SMG1: variants seen among roughly 807,000 people sequenced by gnomAD.
SMG1 encodes the protein serine/threonine-protein kinase SMG1.
In SMG1, 22 loss-of-function variants were observed where a neutral mutation model predicts 419.9. That is an observed-to-expected ratio of 0.05 (90% CI 0.04 to 0.07). SMG1 has a LOEUF of 0.07. SMG1 is among the 10% of genes least tolerant of loss of function. The pLI is 1.00. For missense variants in SMG1, 3,185 were observed against 4,342.0 expected, an observed-to-expected ratio of 0.73 and a Z score of 7.49; for synonymous variants, 1,538 against 1,553.5, an observed-to-expected ratio of 0.99 and a Z score of 0.23.
intron 1 of SMG1, among the ~76,000 whole-genome samples, chr16:18,898,281 T>G (rs1461716518): frequency 1.3e-5 from 2 of 152,164 alleles, no homozygotes; most frequent in Non-Finnish European, 2.9e-5. Flanking sequence ...ATCTGAAACT[T>G]CATGAAATTC....
At chr16:18,820,831 A>G (rs1412205987) in intron 55 of SMG1, among the ~76,000 whole-genome samples, 1 of 152,224 alleles carries the variant, frequency 6.6e-6, no homozygotes, top group Non-Finnish European at 1.5e-5. Context: ...ACTGCTATTA[A>G]TTTACAAAAA....
chr16:18,883,874 G>A (rs566193468), intron 9 of SMG1, among the ~76,000 whole-genome samples, 196 bp downstream of exon 9: 14 of 149,464 alleles, frequency 9.4e-5, no homozygotes, highest in Admixed American at 2.7e-4. Flanking sequence ...AGCCGAGACC[G>A]TGCCATTGCA....
rs75614182 is a variant in SMG1, at chr16:18,870,107, T to C, written c.2493-113A>G. 16 of 644,048 alleles carry C rather than the reference T, an allele frequency of 2.5e-5. No individual in the cohort carries two copies. The Middle Eastern group carries it at 1.3e-3, about 52-fold the overall frequency. The allele number at this position is 644,048 out of a possible 1,614,324, so 39.9% of individuals were successfully genotyped here. A position where few individuals can be genotyped will look rare whatever the true frequency, so the allele number is the denominator to read the frequency against. On this transcript the variant is annotated intron_variant, in intron 18 of 62. Coordinates refer to ENST00000446231, the MANE Select transcript of SMG1 (RefSeq NM_015092.5). ...CACTGGAGGTAAAAATATAGTAAAA[T>C]TGAGACTTTCAAATGGATACAGAGA... is the stretch of plus-strand genomic sequence containing the variant.
In SMG1 at chr16:18,864,060, C is replaced by G; in HGVS notation, c.3435G>C (p.Ser1145=). The change falls in exon 24 of 63, where the codon TCG becomes TCC. Residue 1145 remains serine, a synonymous_variant. Transcript: ENST00000446231. The stretch of plus-strand genomic sequence containing the variant: ...GCCCAGCATTGGCTAAGGTGAGCAC[C>G]GATTTGTCAAAGCTGGAGATGCAGC... ...VDCCISSFDK[S]VLTLANAGRN... is the part of the protein sequence containing the mutation. The G allele has an allele frequency of 1.9e-6, 3 of 1,549,824 alleles. No homozygotes were observed. The highest frequency in any genetic ancestry group is 2.6e-6 in the Non-Finnish European group (3 of 1,146,908).
At chr16:18,820,317 C>G (rs1364656491) in intron 55 of SMG1, among the ~76,000 whole-genome samples, 1 of 151,964 alleles carries the variant, frequency 6.6e-6, no homozygotes, top group Non-Finnish European at 1.5e-5. Context: ...ATCCTCCCAC[C>G]TCAGCTTCCA....
Position 18,806,340 on chromosome 16 carries a change from TA to T in SMG1, c.*3228del, listed in dbSNP as rs776195967. The T allele has an allele frequency of 1.3e-5, 2 of 152,664 alleles. No homozygotes were observed. Among genetic ancestry groups the T allele is most frequent in the Non-Finnish European group, 2.9e-5 (2 of 68,030 alleles). The allele number at this position is 152,664 out of a possible 1,614,324, so 9.5% of individuals were successfully genotyped here. ...TTCTTTGTATTACAAACCCTCACCCTAAACCTGGGGTTTGGGCTCTAAAAAA... is the reference window on the plus strand; with the variant it reads ...TTCTTTGTATTACAAACCCTCACCCTAACCTGGGGTTTGGGCTCTAAAAAA... On this transcript the variant is annotated 3_prime_UTR_variant, in exon 63 of 63. Coordinates refer to ENST00000446231, the MANE Select transcript of SMG1 (RefSeq NM_015092.5).
chr16:18,877,322 C>T (rs28674661), intron 11 of SMG1, 90 bp from the exon 12 acceptor site: 1 of 959,810 alleles, frequency 1.0e-6, no homozygotes, highest in African/African-American at 1.7e-5. Context: ...GTGAAAGAAG[C>T]CAATTGAAAA....
chr16:18,890,587 T>C (rs548497192), intron 5 of SMG1, among the ~76,000 whole-genome samples: 20 of 152,136 alleles, frequency 1.3e-4, no homozygotes, highest in African/African-American at 4.3e-4. Context: ...GAGGTGGAGG[T>C]TGCAGTGAGC....
intron 47 of SMG1, 28 bp from the exon 48 acceptor site, chr16:18,836,240 A>G (rs1463283172): frequency 6.2e-6 from 10 of 1,604,208 alleles, no homozygotes; most frequent in Middle Eastern, 3.3e-4. Flanking sequence ...TATTAAACAC[A>G]GTAAAACAGG....
intron 57 of SMG1, 102 bp downstream of exon 57, chr16:18,817,189 C>A: frequency 3.7e-6 from 3 of 813,314 alleles, no homozygotes; most frequent in Non-Finnish European, 4.9e-6. Flanking sequence ...CTCTTACATA[C>A]AGTATATGCT....
intron 18 of SMG1, 145 bp from the exon 19 acceptor site, chr16:18,870,139 T>G (rs1375653173): frequency 1.6e-6 from 1 of 609,652 alleles, no homozygotes; most frequent in Non-Finnish European, 2.8e-6. Flanking sequence ...GAGATGTGAT[T>G]ACAACTTTAG....
At chr16:18,837,190 T>A in intron 46 of SMG1, 63 bp downstream of exon 46, 1 of 1,366,104 alleles carries the variant, frequency 7.3e-7, no homozygotes, top group Non-Finnish European at 1.0e-6. Context: ...TATTGATGTT[T>A]ACATGAATAT....
intron 3 of SMG1, among the ~76,000 whole-genome samples, chr16:18,893,629 CA>C (rs200785767): frequency 1.3e-5 from 2 of 149,788 alleles, no homozygotes; most frequent in African/African-American, 4.9e-5. Context: ...AAAAACAAAA[CA>C]AAAAAAAACC....
chr16:18,891,406 T>C (rs2036870656), intron 4 of SMG1, among the ~76,000 whole-genome samples: 1 of 152,064 alleles, frequency 6.6e-6, no homozygotes, highest in African/African-American at 2.4e-5. Flanking sequence ...TAGACCATTT[T>C]CATTAATTTT....
chr16:18,831,658 A>G (rs2033181108), intron 51 of SMG1, among the ~76,000 whole-genome samples: 1 of 151,286 alleles, frequency 6.6e-6, no homozygotes, highest in African/African-American at 2.4e-5. Flanking sequence ...AGGGAGGCTG[A>G]GCCAGGAGAA....
intron 30 of SMG1, 83 bp downstream of exon 30, chr16:18,854,573 A>G: frequency 7.6e-7 from 1 of 1,316,362 alleles, no homozygotes; most frequent in Non-Finnish European, 1.0e-6. Flanking sequence ...TGCTATTACT[A>G]CCTTATACCA....
intron 60 of SMG1, among the ~76,000 whole-genome samples, chr16:18,812,571 T>TAC (rs769463132): frequency 2.0e-5 from 3 of 149,396 alleles, no homozygotes; most frequent in Non-Finnish European, 4.4e-5. Flanking sequence ...TACATATATA[T>TAC]ACACACACAT....
At position 18,852,325 on chromosome 16, in the gene SMG1, T is replaced by A; in HGVS notation, c.4906A>T (p.Asn1636Tyr). 6.2e-7 allele frequency: 1 copy of A among 1,610,112 alleles called. No individual in the cohort carries two copies. The highest frequency in any genetic ancestry group is 8.5e-7 in the Non-Finnish European group (1 of 1,178,804). ...CTACACATTTAAACATACCTGGCAT[T>A]GTCAACCACCTTTCTGCCCCACCTA... is the stretch of plus-strand genomic sequence containing the variant. ...AYRWGRKVVD[N>Y]ASQGEGVRLL... is the part of the protein sequence containing the mutation. Residue 1636 changes from asparagine to tyrosine, a missense_variant, in exon 32 of 63, where the codon AAT becomes TAT. Physicochemically the swap from Asn to Tyr is moderately radical, Grantham distance 143. Transcript: ENST00000446231.
chr16:18,858,086 A>G (rs1221811859), intron 29 of SMG1, 84 bp downstream of exon 29: 4 of 1,103,146 alleles, frequency 3.6e-6, no homozygotes, highest in African/African-American at 1.6e-5. Context: ...ATACACTTAG[A>G]ATGTGTAATA....
Sources: allele counts gnomAD v4.1 joint callset (sites outside exome capture counted in the v4.1 genomes callset), GRCh38; gene constraint gnomAD v4.1.1; transcripts MANE v1.5; gene names NCBI Gene and HGNC (gene_info 2026-07-23, HGNC 2026-07-21).